Variants in GLI3 observed in about 807,000 individuals in gnomAD.
GLI3 encodes GLI family zinc finger 3.
GLI3 carries 20 observed loss-of-function variants against 100.8 expected under a neutral mutation model. The ratio of observed to expected loss-of-function variants is 0.20; its 90% CI spans 0.14 to 0.29. GLI3 has a LOEUF of 0.29. Ranked by LOEUF, GLI3 falls within the 10% of genes least tolerant of loss-of-function variation. The probability of loss-of-function intolerance (pLI) is 1.00; values close to 1 mark genes in which losing one functional copy is unlikely to be tolerated. For synonymous variants in GLI3, 938 were observed against 860.5 expected (o/e 1.09, Z -1.58); for missense variants, 2,040 against 2,128.5 (o/e 0.96, Z 0.82).
At chr7:42,234,048 GA>G (rs1788743212) in intron 1 of GLI3, among the ~76,000 whole-genome samples, 1 of 152,144 alleles carries the variant, frequency 6.6e-6, no homozygotes, top group African/African-American at 2.4e-5. Context: ...TTTAGCTGGG[GA>G]TTTACAACAA....
chr7:42,169,792 C>A (rs1787324660), intron 2 of GLI3, among the ~76,000 whole-genome samples: 1 of 151,996 alleles, frequency 6.6e-6, no homozygotes, highest in African/African-American at 2.4e-5. Context: ...GAACAGGAAG[C>A]AAATGCCAAA....
chr7:42,025,191 G>A (rs1465819018), intron 9 of GLI3, 73 bp downstream of exon 9: 4 of 943,480 alleles, frequency 4.2e-6, no homozygotes, highest in Non-Finnish European at 6.9e-6. Context: ...GTCTGGGGAG[G>A]AAGCGGGAGC....
intron 2 of GLI3, among the ~76,000 whole-genome samples, chr7:42,191,458 G>C (rs1787825027): frequency 6.6e-6 from 1 of 152,126 alleles, no homozygotes; most frequent in Middle Eastern, 3.4e-3. Context: ...TTCAAGGCCA[G>C]CCTGACCAAC....
chr7:42,130,602 G>A (rs1056796977), intron 3 of GLI3, among the ~76,000 whole-genome samples: 2 of 152,060 alleles, frequency 1.3e-5, no homozygotes, highest in Non-Finnish European at 2.9e-5. Flanking sequence ...AAGACATACA[G>A]GATATCAGAG....
intron 2 of GLI3, among the ~76,000 whole-genome samples, chr7:42,171,103 C>T (rs1312080556): frequency 6.6e-6 from 1 of 152,232 alleles, no homozygotes; most frequent in Non-Finnish European, 1.5e-5. Flanking sequence ...ATTATCAGTT[C>T]ACTGTCTTGC....
chr7:42,184,907 C>T (rs1261148112), intron 2 of GLI3, among the ~76,000 whole-genome samples: 2 of 152,174 alleles, frequency 1.3e-5, no homozygotes, highest in Admixed American at 1.3e-4. Flanking sequence ...TGACATCTCC[C>T]TGTACTCCTT....
Position 42,048,667 on chromosome 7 carries a change from T to C in GLI3, c.503A>G (p.Tyr168Cys). The change falls in exon 5 of 15, where the codon TAT becomes TGT. Residue 168 changes from tyrosine to cysteine, a missense_variant. By Grantham distance (194) the Tyr-to-Cys change is radical. Coordinates refer to ENST00000395925, the MANE Select transcript of GLI3 (RefSeq NM_000168.6). ...MTSALSSSPT[Y>C]PDLPFIRISP... ...GATCCTAATGAAGGGCAGGTCCGGA[T>C]ACGTAGGGCTACTAGATAAGGCGGA... The C allele has an allele frequency of 6.2e-7, 1 of 1,609,614 alleles. No homozygotes were observed. Among genetic ancestry groups the C allele is most frequent in the Non-Finnish European group, 8.5e-7 (1 of 1,179,050 alleles).
At chr7:42,094,255 G>C (rs889230719) in intron 3 of GLI3, among the ~76,000 whole-genome samples, 1 of 152,202 alleles carries the variant, frequency 6.6e-6, no homozygotes, top group African/African-American at 2.4e-5. Context: ...TGCTGCTTCA[G>C]TCCTAACACC....
chr7:42,255,727 C>T (rs1023359497), intron 1 of GLI3, among the ~76,000 whole-genome samples: 5 of 152,092 alleles, frequency 3.3e-5, no homozygotes, highest in African/African-American at 1.2e-4. Context: ...AGGCATTTGG[C>T]TTGTTTTCAG....
rs369119736 is a variant in GLI3, at chr7:41,972,403, G to A, written c.2037C>T (p.Leu679=). 1 of 1,613,890 alleles carries A rather than the reference G, an allele frequency of 6.2e-7. No homozygotes were observed. The highest frequency in any genetic ancestry group is 8.5e-7 in the Non-Finnish European group (1 of 1,180,046). Residue 679 remains leucine (L), a synonymous_variant, in exon 13 of 15, where the codon CTC becomes CTT. Coordinates refer to ENST00000395925, the MANE Select transcript of GLI3 (RefSeq NM_000168.6). This position sits in a 1 kb window ranked among gnomAD's most constrained non-coding sequence, Gnocchi z 4.4. The part of the protein sequence containing the change: ...TQGALGEQQD[L]SNTTSKREEC... Reference sequence around the variant, plus strand: ...CTTCCCGCTTTGAGGTAGTGTTGCTGAGGTCCTGCTGCTCACCAAGGGCTC... The same window carrying A: ...CTTCCCGCTTTGAGGTAGTGTTGCTAAGGTCCTGCTGCTCACCAAGGGCTC...
intron 3 of GLI3, among the ~76,000 whole-genome samples, chr7:42,138,846 G>A (rs1214735462): frequency 6.6e-6 from 1 of 152,140 alleles, no homozygotes; most frequent in East Asian, 1.9e-4. Flanking sequence ...TAAACACCCC[G>A]CTTCCTAGAG....
At chr7:42,214,458 A>G (rs1334482273) in intron 2 of GLI3, among the ~76,000 whole-genome samples, 3 of 151,958 alleles carry the variant, frequency 2.0e-5, no homozygotes, top group African/African-American at 7.3e-5. Flanking sequence ...CTACAACTAA[A>G]GAAAAAAAAA....
chr7:42,182,197 G>A (rs374410380), intron 2 of GLI3, among the ~76,000 whole-genome samples: 65 of 152,164 alleles, frequency 4.3e-4, no homozygotes, highest in African/African-American at 1.3e-3. Context: ...ACCCGTGGCC[G>A]GTGAGCACTT....
rs1337194068 is a variant in GLI3, at chr7:41,998,595, G to A, written c.1498-19847C>T. ...TGAAGTACAAAATCCATTACTCCTAGTAAGAAAGTAAAATAATAAATTAGA... is the reference window on the plus strand; with the variant it reads ...TGAAGTACAAAATCCATTACTCCTAATAAGAAAGTAAAATAATAAATTAGA... On this transcript the variant is annotated intron_variant, in intron 10 of 14. Transcript: ENST00000395925. Among the ~76,000 whole-genome samples the A allele has an allele frequency of 3.9e-5, 6 of 152,074 alleles. No individual in the cohort carries two copies. The East Asian group carries it at 1.2e-3, about 29-fold the overall frequency.
At chr7:42,103,931 C>A (rs1785520999) in intron 3 of GLI3, among the ~76,000 whole-genome samples, 1 of 152,144 alleles carries the variant, frequency 6.6e-6, no homozygotes, top group African/African-American at 2.4e-5. Context: ...GAAGTGAGAA[C>A]AATAGTAATG....
At chr7:41,983,247 T>C (rs2128714559) in intron 10 of GLI3, among the ~76,000 whole-genome samples, 1 of 152,164 alleles carries the variant, frequency 6.6e-6, no homozygotes, top group Non-Finnish European at 1.5e-5. Context: ...TAGAAGGAGG[T>C]ACGTTCTAGT....
intron 4 of GLI3, among the ~76,000 whole-genome samples, chr7:42,073,080 C>A (rs761945138): frequency 6.6e-6 from 1 of 152,172 alleles, no homozygotes; most frequent in Non-Finnish European, 1.5e-5. Flanking sequence ...TTTATAACAA[C>A]CTTTACGTGA....
Position 41,972,642 on chromosome 7 carries a change from A to G in GLI3, c.1813-15T>C, listed in dbSNP as rs201019815. The stretch of plus-strand genomic sequence containing the variant: ...ACATATGGTTTCTGCCAAATCCCAC[A>G]AGAACGAGGTAAGAGATTGTTATGA... On this transcript the variant is annotated splice_polypyrimidine_tract_variant and intron_variant, in intron 12 of 14. Transcript: ENST00000395925. The surrounding 1 kb of genome is among the most constrained non-coding windows in gnomAD (Gnocchi z 4.4). 329 of 1,599,340 alleles carry G rather than the reference A, an allele frequency of 2.1e-4. 1 individual carries two copies. The African/African-American group carries it at 3.9e-3, about 19-fold the overall frequency.
intron 10 of GLI3, among the ~76,000 whole-genome samples, chr7:41,998,415 C>T (rs1242479320): frequency 1.3e-5 from 2 of 152,174 alleles, no homozygotes; most frequent in Admixed American, 6.5e-5. Flanking sequence ...CAGCTGCTTC[C>T]CACCATGGCA....
Sources: allele counts gnomAD v4.1 joint callset (sites outside exome capture counted in the v4.1 genomes callset), GRCh38; gene constraint gnomAD v4.1.1; non-coding constraint Gnocchi (gnomAD v3.1); transcripts MANE v1.5; gene names NCBI Gene and HGNC (gene_info 2026-07-23, HGNC 2026-07-21).